The following USP7 variants were observed in gnomAD, a reference collection of about 807,000 sequenced individuals.
The protein encoded by USP7 is ubiquitin specific peptidase 7.
Under a neutral mutation model 162.9 loss-of-function variants are expected in USP7, and 9 were observed. The ratio of observed to expected loss-of-function variants is 0.06; its 90% CI spans 0.03 to 0.10. USP7 has a LOEUF of 0.10. Ranked by LOEUF, USP7 falls within the 10% of genes least tolerant of loss-of-function variation. The pLI is 1.00. For missense variants in USP7, 715 were observed against 1,373.7 expected (o/e 0.52, Z 7.58); for synonymous variants, 562 against 475.9 (o/e 1.18, Z -2.35).
intron 1 of USP7, among the ~76,000 whole-genome samples, chr16:8,945,168 G>C (rs1166724937): frequency 6.6e-6 from 1 of 152,056 alleles, no homozygotes; most frequent in African/African-American, 2.4e-5. Flanking sequence ...AGGTTGTAGT[G>C]AGCCGAGATC....
chr16:8,913,421 G>A (rs1257623460), intron 10 of USP7, among the ~76,000 whole-genome samples: 1 of 151,976 alleles, frequency 6.6e-6, no homozygotes, highest in Non-Finnish European at 1.5e-5. Flanking sequence ...CGAAGAATAT[G>A]GGGGCTTGGG....
intron 1 of USP7, among the ~76,000 whole-genome samples, chr16:8,957,500 T>G (rs1374253297): frequency 6.6e-6 from 1 of 151,944 alleles, no homozygotes; most frequent in Non-Finnish European, 1.5e-5. Context: ...TCCCAGTGCT[T>G]TGAGAGGTTC....
chr16:8,896,606 G>T (rs1311939572), intron 26 of USP7, among the ~76,000 whole-genome samples: 1 of 152,162 alleles, frequency 6.6e-6, no homozygotes, highest in African/African-American at 2.4e-5. Flanking sequence ...ACAAAATCAG[G>T]AGTCACCCCT....
chr16:8,929,974 A>G (rs1898226974), intron 2 of USP7, among the ~76,000 whole-genome samples: 2 of 152,276 alleles, frequency 1.3e-5, no homozygotes, highest in South Asian at 4.1e-4. Flanking sequence ...AACAAACAAG[A>G]AGGAGAGTAA....
At chr16:8,910,344 T>A (rs1190104744) in intron 11 of USP7, among the ~76,000 whole-genome samples, 1 of 152,136 alleles carries the variant, frequency 6.6e-6, no homozygotes, top group Non-Finnish European at 1.5e-5. Flanking sequence ...GTCGTGATCC[T>A]CAGAAAACTA....
intron 14 of USP7, 132 bp from the exon 15 acceptor site, chr16:8,904,697 C>A (rs554928196): frequency 0.057 from 76,167 of 1,340,230 alleles, 2,457 homozygotes; most frequent in Middle Eastern, 0.092. Flanking sequence ...AATCCCAGCA[C>A]TTTGGGAGGC....
chr16:8,912,824 A>C (rs1425460510), intron 10 of USP7, among the ~76,000 whole-genome samples: 4 of 152,178 alleles, frequency 2.6e-5, no homozygotes, highest in Non-Finnish European at 5.9e-5. Flanking sequence ...TCATTTAAAA[A>C]AAATCCAAGT....
In USP7 at chr16:8,916,682, G is replaced by C. The variant is rs1596373902; in HGVS notation, c.852-126C>G. 6 of 996,658 alleles carry C rather than the reference G, an allele frequency of 6.0e-6. No individual in the cohort carries two copies. The Admixed American group carries it at 1.1e-4, about 18-fold the overall frequency. 61.7% of individuals were successfully genotyped at this position (996,658 alleles called of 1,614,324 possible). ...TATTCTCAAATTCCTTTTCTGTGAA[G>C]ATTATTTTTGGGAGTCATAATTCAA... On this transcript the variant is annotated intron_variant, in intron 7 of 30. Coordinates refer to ENST00000344836, the MANE Select transcript of USP7 (RefSeq NM_003470.3).
At chr16:8,938,075 C>T (rs1381993226) in intron 1 of USP7, among the ~76,000 whole-genome samples, 6 of 152,078 alleles carry the variant, frequency 3.9e-5, no homozygotes, top group African/African-American at 1.4e-4. Flanking sequence ...GTCACCAGAC[C>T]AGGGTCACAG....
chr16:8,960,748 A>G (rs2141270337), intron 1 of USP7, among the ~76,000 whole-genome samples: 1 of 152,284 alleles, frequency 6.6e-6, no homozygotes, highest in East Asian at 1.9e-4. Flanking sequence ...TTTTAACAGA[A>G]GTGTTCTCTC....
chr16:8,905,098 G>A lies in USP7; in HGVS notation c.1573+89C>T, dbSNP rs531276418. ...ATACAATGGAATAAGCATAAAATGT[G>A]TTTGGACAGAAAAGGATATTGGAGA... On this transcript the variant is annotated intron_variant, in intron 14 of 30. Coordinates refer to ENST00000344836, the MANE Select transcript of USP7 (RefSeq NM_003470.3). The A allele has an allele frequency of 2.3e-4, 343 of 1,499,670 alleles. 2 individuals are homozygous for A. The East Asian group carries it at 7.7e-3, about 34-fold the overall frequency. The allele number at this position is 1,499,670 out of a possible 1,614,324, so 92.9% of individuals were successfully genotyped here. A position where few individuals can be genotyped will look rare whatever the true frequency, so the allele number is the denominator to read the frequency against.
At position 8,892,246 on chromosome 16, in the gene USP7, T is replaced by C. The variant is rs532837749; in HGVS notation, c.*1752A>G. The C allele has an allele frequency of 6.6e-6, 1 of 152,354 alleles. No homozygotes were observed. The highest frequency in any genetic ancestry group is 2.1e-4 in the South Asian group (1 of 4,822). 9.4% of individuals were successfully genotyped at this position (152,354 alleles called of 1,614,324 possible). ...CAGCGAACGGCTCTCGCACCCCTGC[T>C]CTAACTCCTCTTTCTGGGGGAGGAA... On this transcript the variant is annotated 3_prime_UTR_variant, in exon 31 of 31. Coordinates refer to ENST00000344836, the MANE Select transcript of USP7 (RefSeq NM_003470.3).
At chr16:8,923,144 A>G in intron 3 of USP7, 71 bp downstream of exon 3, 1 of 720,760 alleles carries the variant, frequency 1.4e-6, no homozygotes, top group Non-Finnish European at 1.8e-6. Context: ...ATGTAGAGGC[A>G]GCAAATAACT....
chr16:8,923,882 C>T (rs1233744825), intron 2 of USP7, among the ~76,000 whole-genome samples: 3 of 152,170 alleles, frequency 2.0e-5, no homozygotes, highest in Non-Finnish European at 4.4e-5. Flanking sequence ...ACAGCCATTC[C>T]CCTGGAAGCT....
intron 26 of USP7, 105 bp downstream of exon 26, chr16:8,896,894 G>GCGCATGC (rs2061689571): frequency 3.5e-6 from 3 of 851,936 alleles, no homozygotes; most frequent in Middle Eastern, 4.5e-4. Context: ...TGGGAATGAC[G>GCGCATGC]CGCATGGATC....
At chr16:8,907,809 G>C (rs1259516440) in intron 12 of USP7, among the ~76,000 whole-genome samples, 1 of 152,164 alleles carries the variant, frequency 6.6e-6, no homozygotes, top group African/African-American at 2.4e-5. Flanking sequence ...GCAAGACTCT[G>C]TCTCAAAAAC....
Position 8,915,350 on chromosome 16 carries a change from A to G in USP7, c.988-6T>C. On this transcript the variant is annotated splice_region_variant and splice_polypyrimidine_tract_variant and intron_variant, in intron 9 of 30. Transcript: ENST00000344836. ...TCTTTACACTGGATATAGGACTGCAAATAAGGAAAGTAAAAGTGGTTTAAC... is the reference window on the plus strand; with the variant it reads ...TCTTTACACTGGATATAGGACTGCAGATAAGGAAAGTAAAAGTGGTTTAAC... The G allele has an allele frequency of 6.2e-7, 1 of 1,613,394 alleles. No individual in the cohort carries two copies. The highest frequency in any genetic ancestry group is 1.1e-5 in the South Asian group (1 of 90,922).
At position 8,930,233 on chromosome 16, in the gene USP7, C is replaced by A. The variant is rs540081250; in HGVS notation, c.184+60G>T. 3.7e-6 allele frequency: 5 copies of A among 1,356,438 alleles called. No homozygotes were observed. In the African/African-American group the frequency reaches 4.3e-5, roughly 12 times the overall value. The allele number at this position is 1,356,438 out of a possible 1,614,324, so 84.0% of individuals were successfully genotyped here. ...TACCCAAGAAGTACCAAGCATGGATCTGAACCTGTTTTCTGACAAGTTTCC... is the reference window on the plus strand; with the variant it reads ...TACCCAAGAAGTACCAAGCATGGATATGAACCTGTTTTCTGACAAGTTTCC... On this transcript the variant is annotated intron_variant, in intron 2 of 30. Coordinates refer to ENST00000344836, the MANE Select transcript of USP7 (RefSeq NM_003470.3).
At chr16:8,930,908 G>T (rs1175485458) in intron 1 of USP7, among the ~76,000 whole-genome samples, 1 of 151,516 alleles carries the variant, frequency 6.6e-6, no homozygotes, top group East Asian at 1.9e-4. Flanking sequence ...GGCGGAGGCT[G>T]CAGTGAGCCA....
Sources: gnomAD v4.1 joint callset for allele counts (sites outside exome capture counted in the v4.1 genomes callset) on GRCh38, gnomAD v4.1.1 for gene constraint, MANE v1.5 for transcripts, NCBI Gene and HGNC (gene_info 2026-07-23, HGNC 2026-07-21) for gene names.